ARNT2: variants seen among roughly 807,000 people sequenced by gnomAD.
ARNT2 encodes the protein aryl hydrocarbon receptor nuclear translocator 2.
Under a neutral mutation model 91.7 loss-of-function variants are expected in ARNT2, and 36 were observed. The observed-to-expected ratio is 0.39, with a 90% CI of 0.30 to 0.52. The LOEUF is 0.52. Among genes scored for constraint, ARNT2 ranks in the 20% least tolerant of loss-of-function variants. The pLI is 0.72. For synonymous variants in ARNT2, 365 were observed against 347.1 expected (o/e 1.05, Z -0.57); for missense variants, 775 against 939.3 (o/e 0.83, Z 2.29).
chr15:80,501,648 G>A (rs117200018), intron 5 of ARNT2, among the ~76,000 whole-genome samples: 287 of 152,302 alleles, frequency 1.9e-3, no homozygotes, highest in Non-Finnish European at 3.7e-3. Context: ...GCTAACTCCC[G>A]GTCTCAGGAG....
intron 1 of ARNT2, among the ~76,000 whole-genome samples, chr15:80,408,764 T>C (rs1895640702): frequency 6.6e-6 from 1 of 151,528 alleles, no homozygotes; most frequent in Non-Finnish European, 1.5e-5. Flanking sequence ...TATGGACTTA[T>C]AAGAAAAAAA....
At chr15:80,479,224 G>A (rs1159864304) in intron 5 of ARNT2, among the ~76,000 whole-genome samples, 1 of 152,256 alleles carries the variant, frequency 6.6e-6, no homozygotes, top group African/African-American at 2.4e-5. Flanking sequence ...AGGGACCCCA[G>A]AAAATCAATA....
chr15:80,459,944 C>T (rs574296959), intron 3 of ARNT2, among the ~76,000 whole-genome samples: 5 of 152,310 alleles, frequency 3.3e-5, no homozygotes, highest in East Asian at 3.9e-4. Flanking sequence ...CTGGGAGAGA[C>T]GACTGAGTCC....
chr15:80,563,258 C>T lies in ARNT2; in HGVS notation c.1316+19C>T, dbSNP rs1898403674. The T allele has an allele frequency of 6.2e-7, 1 of 1,613,662 alleles. No homozygotes were observed. Among genetic ancestry groups the T allele is most frequent in the South Asian group, 1.1e-5 (1 of 91,066 alleles). On this transcript the variant is annotated intron_variant, in intron 12 of 18. Coordinates refer to ENST00000303329, the MANE Select transcript of ARNT2 (RefSeq NM_014862.4). ...ACGTCAAGTACGTACACTGCCATTTCCCTCTCCTGGAATCCACATGCGCTT... is the reference window on the plus strand; with the variant it reads ...ACGTCAAGTACGTACACTGCCATTTTCCTCTCCTGGAATCCACATGCGCTT...
At chr15:80,525,628 G>T (rs1897628356) in intron 8 of ARNT2, among the ~76,000 whole-genome samples, 1 of 152,182 alleles carries the variant, frequency 6.6e-6, no homozygotes, top group African/African-American at 2.4e-5. Flanking sequence ...ATGGGTATGT[G>T]AAATAATTTC....
intron 3 of ARNT2, among the ~76,000 whole-genome samples, chr15:80,468,605 C>T (rs1196229979): frequency 6.6e-6 from 1 of 152,080 alleles, no homozygotes; most frequent in East Asian, 1.9e-4. Flanking sequence ...CTCCCTACCC[C>T]TTCTAGCACC....
At chr15:80,476,015 A>G (rs1398008101) in intron 5 of ARNT2, among the ~76,000 whole-genome samples, 2 of 152,252 alleles carry the variant, frequency 1.3e-5, no homozygotes, top group Non-Finnish European at 2.9e-5. Context: ...ACAACACTCA[A>G]TAATTTGTCA....
chr15:80,574,215 T>C lies in ARNT2; in HGVS notation c.1384T>C (p.Ser462Pro), dbSNP rs1260771576. Residue 462 changes from serine to proline, a missense_variant, in exon 13 of 19, where the codon TCC becomes CCC. Around this residue, in one of 5 missense-constraint regions of ARNT2, gnomAD observed 325 missense variants for 359.9 expected, o/e 0.90. Transcript: ENST00000303329. ...QRDGLSSYDL[S>P]QVPVPNLPAG... The stretch of plus-strand genomic sequence containing the variant: ...AGATGGATTGTCATCGTATGACTTA[T>C]CCCAGGTGAGTTTCTGGAAAACCCT... The C allele has an allele frequency of 3.7e-6, 6 of 1,614,078 alleles. No homozygotes were observed. Among genetic ancestry groups the C allele is most frequent in the Non-Finnish European group, 5.1e-6 (6 of 1,180,000 alleles).
intron 1 of ARNT2, among the ~76,000 whole-genome samples, chr15:80,429,534 T>C (rs1471813272): frequency 6.6e-6 from 1 of 152,230 alleles, no homozygotes; most frequent in East Asian, 1.9e-4. Flanking sequence ...TCCTGCATTG[T>C]ATTTCTTATC....
rs75167357 is a variant in ARNT2, at chr15:80,584,969, T to C, written c.1918+3565T>C. On this transcript the variant is annotated intron_variant, in intron 17 of 18. Transcript: ENST00000303329. Reference sequence around the variant, plus strand: ...AGCATAGCATGTCACTTTTGAACAGTGCTTCAACTGTAGCAGACTCCTCAG... The same window carrying C: ...AGCATAGCATGTCACTTTTGAACAGCGCTTCAACTGTAGCAGACTCCTCAG... Among the ~76,000 whole-genome samples the C allele has an allele frequency of 5.0e-3, 767 of 152,344 alleles. 7 individuals are homozygous for C. Among genetic ancestry groups the C allele is most frequent in the African/African-American group, 0.017 (695 of 41,580 alleles).
chr15:80,586,460 A>T (rs1260342238), intron 17 of ARNT2, among the ~76,000 whole-genome samples: 3 of 152,184 alleles, frequency 2.0e-5, no homozygotes, highest in Non-Finnish European at 4.4e-5. Flanking sequence ...AATGTCTTTT[A>T]CAAAGCTCGA....
intron 2 of ARNT2, among the ~76,000 whole-genome samples, chr15:80,456,948 A>G (rs893747012): frequency 6.6e-6 from 1 of 152,042 alleles, no homozygotes; most frequent in African/African-American, 2.4e-5. Flanking sequence ...CAGGACTACA[A>G]AGAACAAGAT....
At chr15:80,448,212 G>C (rs1321357095) in intron 1 of ARNT2, among the ~76,000 whole-genome samples, 1 of 152,204 alleles carries the variant, frequency 6.6e-6, no homozygotes. Flanking sequence ...TAGCTGGGAG[G>C]TGTTTGAGTT....
chr15:80,506,097 T>C (rs28553965), intron 5 of ARNT2, among the ~76,000 whole-genome samples: 7,740 of 151,568 alleles, frequency 0.051, 473 homozygotes, highest in African/African-American at 0.14. Context: ...CCACCGCGCC[T>C]GGCTAATTTT....
At chr15:80,494,713 A>G (rs1268052925) in intron 5 of ARNT2, among the ~76,000 whole-genome samples, 1 of 152,278 alleles carries the variant, frequency 6.6e-6, no homozygotes, top group Non-Finnish European at 1.5e-5. Context: ...TGAAGTTCTC[A>G]GGCTTTTCAG....
intron 8 of ARNT2, among the ~76,000 whole-genome samples, chr15:80,522,626 T>C (rs1279464551): frequency 2.0e-5 from 3 of 151,996 alleles, no homozygotes; most frequent in Non-Finnish European, 4.4e-5. Context: ...AACACAATGG[T>C]GAGTATTTGT....
chr15:80,579,773 G>T (rs1028297228), intron 15 of ARNT2, among the ~76,000 whole-genome samples: 3 of 152,226 alleles, frequency 2.0e-5, no homozygotes, highest in African/African-American at 7.2e-5. Context: ...GCTAAGCAGG[G>T]TCAGAGATTT....
At chr15:80,542,722 C>G (rs754819135) in intron 8 of ARNT2, among the ~76,000 whole-genome samples, 2 of 152,244 alleles carry the variant, frequency 1.3e-5, no homozygotes, top group East Asian at 3.9e-4. Context: ...TAGATGATCT[C>G]AAGTTTTAGC....
At chr15:80,555,492 C>T (rs1276918187) in intron 11 of ARNT2, 1 of 215,194 alleles carries the variant, frequency 4.6e-6, no homozygotes, top group Admixed American at 5.1e-5. Context: ...AGTGAACATT[C>T]TAGACTGAAG....
Sources: gnomAD v4.1 joint callset for allele counts (sites outside exome capture counted in the v4.1 genomes callset) on GRCh38, gnomAD v4.1.1 for gene constraint, gnomAD v4.1.1 regional missense constraint, MANE v1.5 for transcripts, NCBI Gene and HGNC (gene_info 2026-07-23, HGNC 2026-07-21) for gene names.